CCDC106: variants seen among roughly 807,000 people sequenced by gnomAD.
The protein encoded by CCDC106 is coiled-coil domain-containing protein 106.
Under a neutral mutation model 24.7 loss-of-function variants are expected in CCDC106, and 17 were observed. That is an observed-to-expected ratio of 0.69 (90% CI 0.47 to 1.03). CCDC106 has a LOEUF of 1.03. Ranked by LOEUF, CCDC106 falls within the 50% of genes least tolerant of loss-of-function variation. CCDC106 has a pLI of 0.00. For missense variants in CCDC106, 337 were observed against 388.9 expected (o/e 0.87, Z 1.12); for synonymous variants, 211 against 161.3 (o/e 1.31, Z -2.34).
Position 55,651,395 on chromosome 19 carries a change from GTCCGAAGAAGGCAGCGCCAGT to G in CCDC106, c.427_447del (p.Ser143_Ser149del). The G allele has an allele frequency of 6.2e-7, 1 of 1,611,474 alleles. No homozygotes were observed. Among genetic ancestry groups the G allele is most frequent in the South Asian group, 1.1e-5 (1 of 90,762 alleles). ...CAGCAGCCTCCTCCCTCAGCGGAGC[GTCCGAAGAAGGCAGCGCCAGT>G]GAGAGGAGGCGGCAGAAGCAGAAGG... is the stretch of plus-strand genomic sequence containing the variant. On this transcript the variant is annotated inframe_deletion, in exon 4 of 5. Coordinates refer to ENST00000586790, the MANE Select transcript of CCDC106 (RefSeq NM_001370470.1).
Position 55,652,345 on chromosome 19 carries a change from TC to T in CCDC106, c.527-82del. 2 of 1,232,530 alleles carry T rather than the reference TC, an allele frequency of 1.6e-6. No homozygotes were observed. Among genetic ancestry groups the T allele is most frequent in the Non-Finnish European group, 2.3e-6 (2 of 872,222 alleles). The allele number at this position is 1,232,530 out of a possible 1,614,324, so 76.3% of individuals were successfully genotyped here. On this transcript the variant is annotated intron_variant, in intron 4 of 4. Transcript: ENST00000586790. This position sits in a 1 kb window ranked among gnomAD's most constrained non-coding sequence, Gnocchi z 5.9. The stretch of plus-strand genomic sequence containing the variant: ...GCCTCTGCTCGCCGAGATCCTTTCT[TC>T]CCATGGCCGTTTCCCTTCCCGTGTC...
intron 3 of CCDC106, 100 bp downstream of exon 3, chr19:55,649,684 C>G (rs1401284623): frequency 8.4e-7 from 1 of 1,193,116 alleles, no homozygotes; most frequent in Non-Finnish European, 1.2e-6. Context: ...CTGGGTGGGA[C>G]CTGCCATGTT....
upstream of CCDC106, chr19:55,648,171 G>A (rs958709301): frequency 1.3e-5 from 2 of 152,298 alleles, no homozygotes; most frequent in African/African-American, 4.8e-5. Context: ...GCCTGTTCGC[G>A]GGTGGGTGGG....
In CCDC106 at chr19:55,651,501, T is replaced by TGGGGTGCATGGGGCG; in HGVS notation, c.526+9_526+23dup. 6.5e-7 allele frequency: 1 copy of TGGGGTGCATGGGGCG among 1,540,390 alleles called. No homozygotes were observed. The highest frequency in any genetic ancestry group is 8.8e-7 in the Non-Finnish European group (1 of 1,141,226). On this transcript the variant is annotated splice_region_variant and intron_variant, in intron 4 of 4. Coordinates refer to ENST00000586790, the MANE Select transcript of CCDC106 (RefSeq NM_001370470.1). ...GGCCCGGGAGAGGCAGCGAGGTGAGTGGGGTGCATGGGGCGGGCGCTGAGG... is the reference window on the plus strand; with the variant it reads ...GGCCCGGGAGAGGCAGCGAGGTGAGTGGGGTGCATGGGGCGGGGGTGCATGGGGCGGGCGCTGAGG...
Position 55,649,530 on chromosome 19 carries a change from G to A in CCDC106, c.259G>A (p.Asp87Asn). The A allele has an allele frequency of 3.1e-6, 5 of 1,614,078 alleles. No homozygotes were observed. The highest frequency in any genetic ancestry group is 4.2e-6 in the Non-Finnish European group (5 of 1,179,960). ...KRIEDLEEER[D>N]FLRCQLDKFI... ...CATCGAGGACCTGGAGGAAGAGAGG[G>A]ACTTCCTGCGGTGCCAGCTGGACAA... Residue 87 changes from aspartate to asparagine, a missense_variant, in exon 3 of 5, where the codon GAC becomes AAC. Asp to Asn is a conservative substitution (Grantham distance 23). This residue lies in a region of CCDC106 where 234 missense variants were observed against 236.5 expected (regional missense o/e 0.99). Coordinates refer to ENST00000586790, the MANE Select transcript of CCDC106 (RefSeq NM_001370470.1).
rs1371759867 is a variant in CCDC106 at position 55,648,786 on chromosome 19, C to G, written c.-261C>G. On this transcript the variant is annotated 5_prime_UTR_variant, in exon 1 of 5. Transcript: ENST00000586790. Reference sequence around the variant, plus strand: ...CCCACGTCCCCAGCTCACTTCTCCCCCAGGACCTAGGCGGCTGGGCCCCCT... The same window carrying G: ...CCCACGTCCCCAGCTCACTTCTCCCGCAGGACCTAGGCGGCTGGGCCCCCT... The G allele has an allele frequency of 5.2e-6, 3 of 574,058 alleles. No individual in the cohort carries two copies. The African/African-American group carries it at 5.6e-5, about 11-fold the overall frequency. The allele number at this position is 574,058 out of a possible 1,614,324, so 35.6% of individuals were successfully genotyped here.
At position 55,651,449 on chromosome 19, in the gene CCDC106, T is replaced by C. The variant is rs1317152532; in HGVS notation, c.480T>C (p.Ala160=). ...GGCGGCAGAAGCAGAAGGGAGGTGC[T>C]AGTCGGAGGCGCTTTGGGAAGCCCA... ...ERRRQKQKGG[A]SRRRFGKPKA... The change falls in exon 4 of 5, where the codon GCT becomes GCC. Residue 160 remains alanine (A), a synonymous_variant. Coordinates refer to ENST00000586790, the MANE Select transcript of CCDC106 (RefSeq NM_001370470.1). 1.6e-5 allele frequency: 25 copies of C among 1,601,534 alleles called. No individual in the cohort carries two copies. Among genetic ancestry groups the C allele is most frequent in the Non-Finnish European group, 1.9e-5 (22 of 1,175,128 alleles).
At chr19:55,651,150 TTG>T (rs1730769505) in intron 3 of CCDC106, 131 bp from the exon 4 acceptor site, 1 of 722,818 alleles carries the variant, frequency 1.4e-6, no homozygotes, top group African/African-American at 1.7e-5. Context: ...ACCGTACTCC[TTG>T]TCTCTCTGTC....
Position 55,649,210 on chromosome 19 carries a change from G to A in CCDC106, c.37G>A (p.Asp13Asn), listed in dbSNP as rs768825228. 4.3e-6 allele frequency: 7 copies of A among 1,613,792 alleles called. No homozygotes were observed. The highest frequency in any genetic ancestry group is 4.0e-5 in the African/African-American group (3 of 74,912). The part of the protein sequence containing the change: ...DRSSRRRTMK[D>N]DETFEISIPF... ...CCGGGGCCTCTCCTCTCCAGTGAAG[G>A]ACGATGAGACCTTCGAGATCTCCAT... The change falls in exon 2 of 5, where the codon GAC (aspartate) becomes AAC (asparagine). Residue 13 changes from aspartate to asparagine, a missense_variant. By Grantham distance (23) the Asp-to-Asn change is conservative. Coordinates refer to ENST00000586790, the MANE Select transcript of CCDC106 (RefSeq NM_001370470.1).
Position 55,649,214 on chromosome 19 carries a change from A to G in CCDC106, c.41A>G (p.Asp14Gly). 1 of 1,613,618 alleles carries G rather than the reference A, an allele frequency of 6.2e-7. No individual in the cohort carries two copies. The highest frequency in any genetic ancestry group is 1.6e-4 in the Middle Eastern group (1 of 6,062). ...GGCCTCTCCTCTCCAGTGAAGGACG[A>G]TGAGACCTTCGAGATCTCCATTCCC... is the stretch of plus-strand genomic sequence containing the variant. ...RSSRRRTMKD[D>G]ETFEISIPFD... The change falls in exon 2 of 5, where the codon GAT (aspartate) becomes GGT (glycine). Residue 14 changes from aspartate to glycine, a missense_variant. Around this residue, in one of 2 missense-constraint regions of CCDC106, gnomAD observed 234 missense variants for 236.5 expected, o/e 0.99. Transcript: ENST00000586790.
rs971843693 is a variant in CCDC106, at chr19:55,653,052, C to T, written c.*306C>T. The T allele has an allele frequency of 9.3e-6, 3 of 323,230 alleles. No individual in the cohort carries two copies. The highest frequency in any genetic ancestry group is 5.5e-5 in the South Asian group (1 of 18,022). The allele number at this position is 323,230 out of a possible 1,614,324, so 20.0% of individuals were successfully genotyped here. On this transcript the variant is annotated 3_prime_UTR_variant, in exon 5 of 5. Coordinates refer to ENST00000586790, the MANE Select transcript of CCDC106 (RefSeq NM_001370470.1). ...ACAGACCCCGTCTCCGCCCTGGCCC[C>T]GCGGAGGAGCTGCCCACCTGATTCC... is the stretch of plus-strand genomic sequence containing the variant.
At chr19:55,651,589 C>A (rs1489871780) in intron 4 of CCDC106, 94 bp downstream of exon 4, 1 of 880,994 alleles carries the variant, frequency 1.1e-6, no homozygotes, top group Non-Finnish European at 1.7e-6. Flanking sequence ...CCAAGCCCCT[C>A]CAGCCTTGCT....
intron 3 of CCDC106, 70 bp from the exon 4 acceptor site, chr19:55,651,213 T>C: frequency 8.3e-7 from 1 of 1,209,132 alleles, no homozygotes; most frequent in Non-Finnish European, 1.2e-6. Flanking sequence ...GACTGCAGCC[T>C]CTCTCAGTCC....
rs2459750 is a variant in CCDC106 at position 55,651,332 on chromosome 19, C to T, written c.363C>T (p.Ser121=). Reference sequence around the variant, plus strand: ...GGCCCAGGCGGATGGAGGGGGACAGCCGTGGTGGGGCTGGGGGCGAGGCCT... The same window carrying T: ...GGCCCAGGCGGATGGAGGGGGACAGTCGTGGTGGGGCTGGGGGCGAGGCCT... The part of the protein sequence containing the change: ...KPGPRRMEGD[S]RGGAGGEASD... The change falls in exon 4 of 5, where the codon AGC becomes AGT. Residue 121 remains serine, a synonymous_variant. Transcript: ENST00000586790. 6.3e-5 allele frequency: 101 copies of T among 1,613,316 alleles called. No individual in the cohort carries two copies. The highest frequency in any genetic ancestry group is 9.9e-5 in the South Asian group (9 of 91,080).
Position 55,652,969 on chromosome 19 carries a change from G to A in CCDC106, c.*223G>A. The A allele has an allele frequency of 1.9e-6, 1 of 524,302 alleles. No homozygotes were observed. The highest frequency in any genetic ancestry group is 3.4e-6 in the Non-Finnish European group (1 of 297,322). The allele number at this position is 524,302 out of a possible 1,614,324, so 32.5% of individuals were successfully genotyped here. Reference sequence around the variant, plus strand: ...GGCTGCCCAGCCCTGTCCTCGCCGGGCCCCTTCCTCCTGGAAAACCAGGCA... The same window carrying A: ...GGCTGCCCAGCCCTGTCCTCGCCGGACCCCTTCCTCCTGGAAAACCAGGCA... On this transcript the variant is annotated 3_prime_UTR_variant, in exon 5 of 5. Transcript: ENST00000586790. This position sits in a 1 kb window ranked among gnomAD's most constrained non-coding sequence, Gnocchi z 5.9.
rs1180236179 is a variant in CCDC106, at chr19:55,652,777, C to A, written c.*31C>A. The A allele has an allele frequency of 3.2e-6, 5 of 1,565,324 alleles. No individual in the cohort carries two copies. The highest frequency in any genetic ancestry group is 4.3e-6 in the Non-Finnish European group (5 of 1,151,350). On this transcript the variant is annotated 3_prime_UTR_variant, in exon 5 of 5. Transcript: ENST00000586790. The surrounding 1 kb of genome is among the most constrained non-coding windows in gnomAD (Gnocchi z 5.9). ...CCACGCCTCCGCGCCTCCACCCGGG[C>A]CTTCCTCCCCCGTGGACCCCGGTGG...
Position 55,648,835 on chromosome 19 carries a change from A to C in CCDC106, c.-212A>C. On this transcript the variant is annotated 5_prime_UTR_variant, in exon 1 of 5. Transcript: ENST00000586790. ...CTGCCCCTGACTCCAGGAGCCCAGGAGTTTGAAGCCCAGGCGCGTTTTGCC... is the reference window on the plus strand; with the variant it reads ...CTGCCCCTGACTCCAGGAGCCCAGGCGTTTGAAGCCCAGGCGCGTTTTGCC... 1 of 615,064 alleles carries C rather than the reference A, an allele frequency of 1.6e-6. No homozygotes were observed. Among genetic ancestry groups the C allele is most frequent in the Non-Finnish European group, 2.9e-6 (1 of 345,712 alleles). 38.1% of individuals were successfully genotyped at this position (615,064 alleles called of 1,614,324 possible).
intron 3 of CCDC106, 147 bp from the exon 4 acceptor site, chr19:55,651,136 C>T (rs1335076653): frequency 4.5e-6 from 3 of 664,216 alleles, no homozygotes; most frequent in South Asian, 3.4e-5. Flanking sequence ...CCACCAGCGT[C>T]TCTACCGTAC....
At chr19:55,649,330 G>C (rs1159637711) in intron 2 of CCDC106, 21 bp downstream of exon 2, 1 of 1,612,720 alleles carries the variant, frequency 6.2e-7, no homozygotes, top group Admixed American at 1.7e-5. Context: ...GGGGTGTGGA[G>C]GGACTGGAGT....
Sources: allele counts gnomAD v4.1 joint callset, GRCh38; gene constraint gnomAD v4.1.1; regional missense constraint gnomAD v4.1.1; non-coding constraint Gnocchi (gnomAD v3.1); transcripts MANE v1.5; gene names NCBI Gene and HGNC (gene_info 2026-07-23, HGNC 2026-07-21).